The following STK35 variants were observed in gnomAD, a reference collection of about 807,000 sequenced individuals.
STK35 encodes serine/threonine kinase 35.
STK35 carries 17 observed loss-of-function variants against 37.3 expected under a neutral mutation model. The observed-to-expected ratio is 0.46, with a 90% CI of 0.31 to 0.68. The LOEUF is 0.68. Ranked by LOEUF, STK35 falls within the 30% of genes least tolerant of loss-of-function variation. The probability of loss-of-function intolerance (pLI) is 0.05; values close to 1 mark genes in which losing one functional copy is unlikely to be tolerated. For synonymous variants in STK35, 385 were observed against 319.1 expected, an observed-to-expected ratio of 1.21 and a Z score of -2.20; for missense variants, 595 against 746.7, an observed-to-expected ratio of 0.80 and a Z score of 2.37.
In STK35 at chr20:2,102,264, C is replaced by A. The variant is rs1056619193; in HGVS notation, c.294+89C>A. The A allele has an allele frequency of 2.2e-6, 3 of 1,369,982 alleles. No homozygotes were observed. In the African/African-American group the frequency reaches 4.6e-5, roughly 21 times the overall value. 84.9% of individuals were successfully genotyped at this position (1,369,982 alleles called of 1,614,324 possible). On this transcript the variant is annotated intron_variant, in intron 1 of 3. Coordinates refer to ENST00000381482, the MANE Select transcript of STK35 (RefSeq NM_080836.4). ...CGCTTGGGAAGGGAAATCGGGTCCT[C>A]GGCCAGTCGCACTCCGAGAAGCCGA...
chr20:2,144,833 C>G lies in STK35; in HGVS notation c.*1087C>G, dbSNP rs960831481. The stretch of plus-strand genomic sequence containing the variant: ...ACTGGCTGCCGTTGTCGTGTTCTCA[C>G]AGTGAAGGGCGTGCCCTGTGTGCCG... On this transcript the variant is annotated 3_prime_UTR_variant, in exon 4 of 4. Coordinates refer to ENST00000381482, the MANE Select transcript of STK35 (RefSeq NM_080836.4). The G allele has an allele frequency of 5.9e-5, 9 of 152,832 alleles. No homozygotes were observed. Among genetic ancestry groups the G allele is most frequent in the Non-Finnish European group, 1.3e-4 (9 of 68,148 alleles). 9.5% of individuals were successfully genotyped at this position (152,832 alleles called of 1,614,324 possible). A position where few individuals can be genotyped will look rare whatever the true frequency, so the allele number is the denominator to read the frequency against.
Position 2,145,515 on chromosome 20 carries a change from C to T in STK35, c.*1769C>T, listed in dbSNP as rs1395186038. 6.6e-6 allele frequency: 1 copy of T among 152,134 alleles called. No individual in the cohort carries two copies. Among genetic ancestry groups the T allele is most frequent in the Non-Finnish European group, 1.5e-5 (1 of 68,026 alleles). 9.4% of individuals were successfully genotyped at this position (152,134 alleles called of 1,614,324 possible). ...GGCCAGGCTCAGCAATATGTTTGCT[C>T]ACATTCTTTCAGCCTTCTGTCACCC... is the stretch of plus-strand genomic sequence containing the variant. On this transcript the variant is annotated 3_prime_UTR_variant, in exon 4 of 4. Coordinates refer to ENST00000381482, the MANE Select transcript of STK35 (RefSeq NM_080836.4).
chr20:2,126,110 A>G (rs1015896241), intron 3 of STK35, among the ~76,000 whole-genome samples: 4 of 152,196 alleles, frequency 2.6e-5, no homozygotes, highest in African/African-American at 9.7e-5. Flanking sequence ...CAGCTCACTC[A>G]CTGAATCCTG....
chr20:2,105,702 C>T (rs1031796424), intron 2 of STK35, among the ~76,000 whole-genome samples: 24 of 117,812 alleles, frequency 2.0e-4, no homozygotes, highest in Non-Finnish European at 4.3e-4. Flanking sequence ...GAGGAATTCA[C>T]TGCCTTATAT....
chr20:2,135,724 G>A lies in STK35; in HGVS notation c.*38-8060G>A, dbSNP rs1005045631. 2.0e-5 allele frequency among the ~76,000 whole-genome samples: 3 copies of A among 152,288 alleles called. No individual in the cohort carries two copies. The East Asian group carries it at 5.8e-4, about 29-fold the overall frequency. The stretch of plus-strand genomic sequence containing the variant: ...CTAAAAATACAAAAATTAGCCGGGC[G>A]TGGTGGTGCGCGCCTGTCTTCCCAG... On this transcript the variant is annotated intron_variant, in intron 3 of 3. Transcript: ENST00000381482.
intron 3 of STK35, among the ~76,000 whole-genome samples, chr20:2,127,412 C>T (rs901704918): frequency 3.3e-5 from 5 of 152,170 alleles, no homozygotes; most frequent in Admixed American, 3.3e-4. Context: ...GGCCTTGTAC[C>T]AGACAGAAAG....
At chr20:2,143,205 G>A (rs1041526442) in intron 3 of STK35, among the ~76,000 whole-genome samples, 1 of 152,144 alleles carries the variant, frequency 6.6e-6, no homozygotes, top group Non-Finnish European at 1.5e-5. Context: ...GACAGTGCAG[G>A]CCCAGTCCAG....
intron 3 of STK35, among the ~76,000 whole-genome samples, chr20:2,122,947 TTTC>T (rs1256029012): frequency 6.6e-6 from 1 of 152,224 alleles, no homozygotes; most frequent in Non-Finnish European, 1.5e-5. Flanking sequence ...GTCTGATCTC[TTTC>T]TTATTTGTCG....
chr20:2,103,712 C>G lies in STK35; in HGVS notation c.892+347C>G, dbSNP rs142429570. 6.8e-4 allele frequency among the ~76,000 whole-genome samples: 103 copies of G among 152,238 alleles called. 3 individuals carry two copies. The East Asian group carries it at 0.016, about 23-fold the overall frequency. Reference sequence around the variant, plus strand: ...AGGAGGGGTCGGGTTCAGTTAGTAGCAGAACTGCGGAGCCTCCTCACCCCC... The same window carrying G: ...AGGAGGGGTCGGGTTCAGTTAGTAGGAGAACTGCGGAGCCTCCTCACCCCC... On this transcript the variant is annotated intron_variant, in intron 2 of 3. Transcript: ENST00000381482.
At chr20:2,125,854 G>A (rs1442891824) in intron 3 of STK35, among the ~76,000 whole-genome samples, 2 of 152,212 alleles carry the variant, frequency 1.3e-5, no homozygotes, top group African/African-American at 4.8e-5. Flanking sequence ...GAAAGTAGGA[G>A]ATCTAAAGCA....
Position 2,102,977 on chromosome 20 carries a change from G to A in STK35, c.504G>A (p.Ala168=). The A allele has an allele frequency of 7.1e-7, 1 of 1,417,536 alleles. No homozygotes were observed. Among genetic ancestry groups the A allele is most frequent in the Non-Finnish European group, 9.2e-7 (1 of 1,092,144 alleles). 87.8% of individuals were successfully genotyped at this position (1,417,536 alleles called of 1,614,324 possible). A position where few individuals can be genotyped will look rare whatever the true frequency, so the allele number is the denominator to read the frequency against. ...RAPSTKLRPA[A]AARAMDPVAA... ...CCAGCACGAAGCTGAGGCCGGCGGC[G>A]GCGGCCCGGGCCATGGATCCGGTGG... Residue 168 remains alanine, a synonymous_variant, in exon 2 of 4, where the codon GCG becomes GCA. Coordinates refer to ENST00000381482, the MANE Select transcript of STK35 (RefSeq NM_080836.4).
intron 1 of STK35, 117 bp downstream of exon 1, chr20:2,102,292 T>A: frequency 7.6e-7 from 1 of 1,311,080 alleles, no homozygotes; most frequent in South Asian, 1.7e-5. Flanking sequence ...GAAGCCGAAC[T>A]TTTCAGCCAA....
At chr20:2,103,487 C>G in intron 2 of STK35, 122 bp downstream of exon 2, 1 of 885,820 alleles carries the variant, frequency 1.1e-6, no homozygotes, top group Non-Finnish European at 1.7e-6. Flanking sequence ...ACCCTGTGCC[C>G]TGACACACCC....
At position 2,102,044 on chromosome 20, in the gene STK35, A is replaced by G. The variant is rs1038097981; in HGVS notation, c.163A>G (p.Thr55Ala). Residue 55 changes from threonine to alanine, a missense_variant, in exon 1 of 4, where the codon ACA (threonine) becomes GCA (alanine). Transcript: ENST00000381482. ...CGCCGCGGCAGCAGAAGGATCCGCT[A>G]CACGCCGGGCTCGGGCCGCCACCTC... ...ASAAAAEGSA[T>A]RRARAATSRA... 53 of 1,525,268 alleles carry G rather than the reference A, an allele frequency of 3.5e-5. No individual in the cohort carries two copies. Among genetic ancestry groups the G allele is most frequent in the Non-Finnish European group, 4.4e-5 (50 of 1,141,810 alleles). The allele number at this position is 1,525,268 out of a possible 1,614,324, so 94.5% of individuals were successfully genotyped here. A position where few individuals can be genotyped will look rare whatever the true frequency, so the allele number is the denominator to read the frequency against.
Position 2,144,216 on chromosome 20 carries a change from C to T in STK35, c.*470C>T. ...ACCTCACTTCCCTAGAGAAGGCCTGCCTCCCCATAGGGAATCTGGGGGTTT... is the reference window on the plus strand; with the variant it reads ...ACCTCACTTCCCTAGAGAAGGCCTGTCTCCCCATAGGGAATCTGGGGGTTT... On this transcript the variant is annotated 3_prime_UTR_variant, in exon 4 of 4. Transcript: ENST00000381482. 3.8e-6 allele frequency: 1 copy of T among 263,108 alleles called. No individual in the cohort carries two copies. The highest frequency in any genetic ancestry group is 7.3e-6 in the Non-Finnish European group (1 of 136,420). The allele number at this position is 263,108 out of a possible 1,614,324, so 16.3% of individuals were successfully genotyped here.
intron 3 of STK35, among the ~76,000 whole-genome samples, chr20:2,127,353 T>C (rs1471906284): frequency 6.6e-6 from 1 of 151,666 alleles, no homozygotes; most frequent in African/African-American, 2.4e-5. Flanking sequence ...GTTGGGAGTA[T>C]AGTGTTGTCA....
At chr20:2,106,441 A>C (rs1985516887) in intron 2 of STK35, among the ~76,000 whole-genome samples, 1 of 152,228 alleles carries the variant, frequency 6.6e-6, no homozygotes, top group Non-Finnish European at 1.5e-5. Context: ...GAAAAAAAGC[A>C]AAGCAAAACA....
chr20:2,135,261 C>T (rs978328726), intron 3 of STK35, among the ~76,000 whole-genome samples: 1 of 152,188 alleles, frequency 6.6e-6, no homozygotes, highest in African/African-American at 2.4e-5. Flanking sequence ...GTGGGACTGG[C>T]TTCCTCTGGA....
chr20:2,102,086 C>A lies in STK35; in HGVS notation c.205C>A (p.Arg69=). 1 of 1,508,442 alleles carries A rather than the reference C, an allele frequency of 6.6e-7. No individual in the cohort carries two copies. The highest frequency in any genetic ancestry group is 8.8e-7 in the Non-Finnish European group (1 of 1,132,180). The allele number at this position is 1,508,442 out of a possible 1,614,324, so 93.4% of individuals were successfully genotyped here. Residue 69 remains arginine, a synonymous_variant, in exon 1 of 4, where the codon CGG becomes AGG. Transcript: ENST00000381482. ...RAATSRAARS[R]RQPGPGADHP... ...CGCCACCTCCCGCGCTGCTCGGTCC[C>A]GGAGGCAGCCCGGGCCCGGAGCGGA...
Sources: allele counts gnomAD v4.1 joint callset (sites outside exome capture counted in the v4.1 genomes callset), GRCh38; gene constraint gnomAD v4.1.1; transcripts MANE v1.5; gene names NCBI Gene and HGNC (gene_info 2026-07-23, HGNC 2026-07-21).